DNAH17: variants seen among roughly 807,000 people sequenced by gnomAD.
DNAH17 encodes the protein axonemal beta dynein heavy chain 17.
DNAH17 carries 376 observed loss-of-function variants against 485.6 expected under a neutral mutation model. That is an observed-to-expected ratio of 0.77 (90% CI 0.71 to 0.84). DNAH17 has a LOEUF of 0.84. Among genes scored for constraint, DNAH17 ranks in the 40% least tolerant of loss-of-function variants. DNAH17 has a pLI of 0.00. For synonymous variants in DNAH17, 3,031 were observed against 2,405.9 expected (o/e 1.26, Z -7.60); for missense variants, 6,370 against 5,839.3 (o/e 1.09, Z -2.96).
At chr17:78,575,109 G>A (rs1353212927) in intron 1 of DNAH17, 27 bp from the exon 2 acceptor site, 2 of 1,452,688 alleles carry the variant, frequency 1.4e-6, no homozygotes, top group South Asian at 2.7e-5. Context: ...AAACAGGTAC[G>A]AACTGTCTCC....
intron 22 of DNAH17, among the ~76,000 whole-genome samples, chr17:78,529,151 A>G (rs1454455762): frequency 6.6e-6 from 1 of 152,140 alleles, no homozygotes; most frequent in Admixed American, 6.5e-5. Flanking sequence ...CACGTTGCTC[A>G]GGCTGGTCTC....
intron 48 of DNAH17, 64 bp from the exon 49 acceptor site, chr17:78,480,850 C>T: frequency 8.6e-7 from 1 of 1,167,926 alleles, no homozygotes; most frequent in Non-Finnish European, 1.3e-6. Flanking sequence ...CCTGCCCCCA[C>T]TGTGCTCCCA....
At position 78,560,858 on chromosome 17, in the gene DNAH17, T is replaced by A. The variant is rs748889345; in HGVS notation, c.1913A>T (p.Glu638Val). 1.3e-6 allele frequency: 2 copies of A among 1,551,670 alleles called. No individual in the cohort carries two copies. Among genetic ancestry groups the A allele is most frequent in the Non-Finnish European group, 8.7e-7 (1 of 1,147,120 alleles). Residue 638 changes from glutamate to valine, a missense_variant, in exon 13 of 81, where the codon GAG (glutamate) becomes GTG (valine). Glu to Val is a moderately radical substitution (Grantham distance 121). Coordinates refer to ENST00000389840, the MANE Select transcript of DNAH17 (RefSeq NM_173628.4). ...CGCCACCCACTGCTGGTAGATCTTCTCGCGGTGGCACCTCAGCAGCTCCAT... is the reference window on the plus strand; with the variant it reads ...CGCCACCCACTGCTGGTAGATCTTCACGCGGTGGCACCTCAGCAGCTCCAT... ...EMMELLRCHR[E>V]KIYQQWVAGV... is the part of the protein sequence containing the mutation.
Position 78,449,504 on chromosome 17 carries a change from C to T in DNAH17, c.11121G>A (p.Thr3707=), listed in dbSNP as rs761878431. Residue 3707 remains threonine (T), a synonymous_variant, in exon 69 of 81, where the codon ACG becomes ACA. Coordinates refer to ENST00000389840, the MANE Select transcript of DNAH17 (RefSeq NM_173628.4). The stretch of plus-strand genomic sequence containing the variant: ...TGTAGACGGAGTAGGTGATCTCGTC[C>T]GTCAGGTTGATCACCCGCTGCTTCA... ...NEVKQRVINL[T]DEITYSVYMY... The T allele has an allele frequency of 1.0e-5, 16 of 1,587,578 alleles. No individual in the cohort carries two copies. The Admixed American group carries it at 1.1e-4, about 11-fold the overall frequency.
At chr17:78,513,471 T>C (rs552962660) in intron 26 of DNAH17, among the ~76,000 whole-genome samples, 1 of 152,366 alleles carries the variant, frequency 6.6e-6, no homozygotes, top group Non-Finnish European at 1.5e-5. Context: ...AGTTTCACTC[T>C]GTCACCCAGG....
At chr17:78,524,049 A>C (rs780646964) in intron 25 of DNAH17, among the ~76,000 whole-genome samples, 10 of 152,252 alleles carry the variant, frequency 6.6e-5, no homozygotes, top group South Asian at 2.1e-4. Flanking sequence ...TTCTCTGTTG[A>C]AATCCTTACC....
intron 55 of DNAH17, 57 bp from the exon 56 acceptor site, chr17:78,466,873 T>C (rs551781375): frequency 2.4e-5 from 35 of 1,446,300 alleles, no homozygotes; most frequent in Non-Finnish European, 3.2e-5. Context: ...TGGGGCCTAA[T>C]CCATCACTCT....
rs560906901 is a variant in DNAH17, at chr17:78,467,187, G to A, written c.8779-371C>T. Among the ~76,000 whole-genome samples, 3 of 152,358 alleles carry A rather than the reference G, an allele frequency of 2.0e-5. No homozygotes were observed. The South Asian group carries it at 6.2e-4, about 32-fold the overall frequency. On this transcript the variant is annotated intron_variant, in intron 55 of 80. Transcript: ENST00000389840. Reference sequence around the variant, plus strand: ...GGAAGGGTCCCCGCTGGGCCCTGAGGGATAGTGGCTAATTCCCAGAAAGGG... The same window carrying A: ...GGAAGGGTCCCCGCTGGGCCCTGAGAGATAGTGGCTAATTCCCAGAAAGGG...
chr17:78,429,985 C>T lies in DNAH17; in HGVS notation c.12226-685G>A, dbSNP rs61228703. ...GGCCTTAGGGAACGAAGACCAAACT[C>T]GGCAGTGTGGACCAGAGCACACGCC... On this transcript the variant is annotated intron_variant, in intron 75 of 80. Transcript: ENST00000389840. Among the ~76,000 whole-genome samples the T allele has an allele frequency of 8.4e-3, 1,277 of 152,318 alleles. 21 individuals are homozygous for T. The highest frequency in any genetic ancestry group is 0.029 in the African/African-American group (1,202 of 41,566).
rs143890595 is a variant in DNAH17 at position 78,487,906 on chromosome 17, G to A, written c.6819-1400C>T. On this transcript the variant is annotated intron_variant, in intron 44 of 80. Coordinates refer to ENST00000389840, the MANE Select transcript of DNAH17 (RefSeq NM_173628.4). ...CTATCACAAGAGAGAATTAAGAGCT[G>A]AACGTCTTTGCCGCATAGCACCCTG... Among the ~76,000 whole-genome samples the A allele has an allele frequency of 2.7e-3, 410 of 152,298 alleles. 4 individuals carry two copies. The highest frequency in any genetic ancestry group is 9.4e-3 in the African/African-American group (392 of 41,562).
Position 78,464,256 on chromosome 17 carries a change from T to A in DNAH17, c.8941-1179A>T, listed in dbSNP as rs1041473039. Among the ~76,000 whole-genome samples, 3 of 152,188 alleles carry A rather than the reference T, an allele frequency of 2.0e-5. No individual in the cohort carries two copies. In the South Asian group the frequency reaches 6.2e-4, roughly 32 times the overall value. On this transcript the variant is annotated intron_variant, in intron 56 of 80. Coordinates refer to ENST00000389840, the MANE Select transcript of DNAH17 (RefSeq NM_173628.4). Reference sequence around the variant, plus strand: ...TCAAACAGTGAACATGGGCGCCATCTTTCACTGTTTTTTGTTTTTTTGAGA... The same window carrying A: ...TCAAACAGTGAACATGGGCGCCATCATTCACTGTTTTTTGTTTTTTTGAGA...
At chr17:78,517,747 G>T (rs916132398) in intron 25 of DNAH17, among the ~76,000 whole-genome samples, 6 of 152,220 alleles carry the variant, frequency 3.9e-5, no homozygotes, top group African/African-American at 1.4e-4. Context: ...AAAGTTGTCA[G>T]TTCTTTCAGT....
chr17:78,492,587 G>A (rs2089908872), intron 42 of DNAH17, 46 bp downstream of exon 42: 1 of 1,607,296 alleles, frequency 6.2e-7, no homozygotes, highest in Non-Finnish European at 8.5e-7. Flanking sequence ...TCACTGCACT[G>A]GACCAGGAGT....
chr17:78,529,464 C>G lies in DNAH17; in HGVS notation c.3507+8G>C, dbSNP rs1333455662. ...ACCTGGACGCAGCCACACCCACCCA[C>G]CACGTACCTGCAGCTTCAAGTGGAT... On this transcript the variant is annotated splice_region_variant and intron_variant, in intron 22 of 80. Transcript: ENST00000389840. 1 of 1,613,756 alleles carries G rather than the reference C, an allele frequency of 6.2e-7. No homozygotes were observed.
chr17:78,451,328 G>A (rs558047473), intron 66 of DNAH17, 141 bp downstream of exon 66: 22 of 693,862 alleles, frequency 3.2e-5, no homozygotes, highest in African/African-American at 9.1e-5. Context: ...CTGTGATGCC[G>A]TGGGACACAC....
At position 78,437,884 on chromosome 17, in the gene DNAH17, G is replaced by A. The variant is rs566434807; in HGVS notation, c.11806-16C>T. 6 of 1,591,666 alleles carry A rather than the reference G, an allele frequency of 3.8e-6. No homozygotes were observed. The East Asian group carries it at 1.1e-4, about 30-fold the overall frequency. Reference sequence around the variant, plus strand: ...GGTGGATATTCTGCAGCCAAGACTAGAGGCTGGTTACACACTTTGCCCAGC... The same window carrying A: ...GGTGGATATTCTGCAGCCAAGACTAAAGGCTGGTTACACACTTTGCCCAGC... On this transcript the variant is annotated splice_polypyrimidine_tract_variant and intron_variant, in intron 73 of 80. Transcript: ENST00000389840.
At position 78,484,990 on chromosome 17, in the gene DNAH17, G is replaced by A. The variant is rs574943926; in HGVS notation, c.7527C>T (p.Tyr2509=). ...CGAGCTTCTTAGTGCCTGGCGGCCC[G>A]TAGTTCCTCCCCGATTTCTTCTCCA... ...KPLEKKSGRN[Y]GPPGTKKLVY... Residue 2509 remains tyrosine, a synonymous_variant, in exon 48 of 81, where the codon TAC becomes TAT. Transcript: ENST00000389840. The A allele has an allele frequency of 8.7e-6, 14 of 1,613,186 alleles. No individual in the cohort carries two copies. The Admixed American group carries it at 1.0e-4, about 12-fold the overall frequency.
chr17:78,455,635 A>G lies in DNAH17; in HGVS notation c.10170+9T>C. On this transcript the variant is annotated intron_variant, in intron 63 of 80. Transcript: ENST00000389840. Reference sequence around the variant, plus strand: ...AGCCACCGCGCCTGGCCAGGACTCCACTCCTTACCTTTAAGTTATGTATGT... The same window carrying G: ...AGCCACCGCGCCTGGCCAGGACTCCGCTCCTTACCTTTAAGTTATGTATGT... 2 of 1,532,802 alleles carry G rather than the reference A, an allele frequency of 1.3e-6. No homozygotes were observed. Among genetic ancestry groups the G allele is most frequent in the South Asian group, 1.2e-5 (1 of 81,490 alleles). The allele number at this position is 1,532,802 out of a possible 1,614,324, so 95.0% of individuals were successfully genotyped here. A position where few individuals can be genotyped will look rare whatever the true frequency, so the allele number is the denominator to read the frequency against.
rs757452352 is a variant in DNAH17 at position 78,543,772 on chromosome 17, T to A, written c.2532+85A>T. ...CAAGAAATGTGTCACTAATCATTTTTATGAAATCTCCAGCCCTGGGTTTAC... is the reference window on the plus strand; with the variant it reads ...CAAGAAATGTGTCACTAATCATTTTAATGAAATCTCCAGCCCTGGGTTTAC... On this transcript the variant is annotated intron_variant, in intron 17 of 80. Coordinates refer to ENST00000389840, the MANE Select transcript of DNAH17 (RefSeq NM_173628.4). 18 of 1,591,604 alleles carry A rather than the reference T, an allele frequency of 1.1e-5. No individual in the cohort carries two copies. In the East Asian group the frequency reaches 4.0e-4, roughly 36 times the overall value.
Sources: gnomAD v4.1 joint callset for allele counts (sites outside exome capture counted in the v4.1 genomes callset) on GRCh38, gnomAD v4.1.1 for gene constraint, MANE v1.5 for transcripts, NCBI Gene and HGNC (gene_info 2026-07-23, HGNC 2026-07-21) for gene names.